EFCAB11: variants seen among roughly 807,000 people sequenced by gnomAD.
The protein encoded by EFCAB11 is EF-hand calcium binding domain 11, also known as EF-hand calcium-binding domain-containing protein 11.
In EFCAB11, 14 loss-of-function variants were observed where a neutral mutation model predicts 23.0. The observed-to-expected ratio is 0.61, with a 90% confidence interval of 0.40 to 0.95. The LOEUF (loss-of-function observed/expected upper bound fraction) is 0.95. Among genes scored for constraint, EFCAB11 ranks in the 40% least tolerant of loss-of-function variants. The pLI, the probability that EFCAB11 is intolerant of heterozygous loss-of-function variation, is 0.00. For synonymous variants in EFCAB11, 65 were observed against 66.6 expected, an observed-to-expected ratio of 0.98 and a Z score of 0.11; for missense variants, 198 against 195.8, an observed-to-expected ratio of 1.01 and a Z score of -0.07.
chr14:89,878,768 AT>A (rs1463202788), intron 5 of EFCAB11, among the ~76,000 whole-genome samples: 1 of 152,130 alleles, frequency 6.6e-6, no homozygotes, highest in African/African-American at 2.4e-5. Context: ...AATGTGGGTC[AT>A]TTATCTCAAA....
intron 5 of EFCAB11, among the ~76,000 whole-genome samples, chr14:89,860,556 G>C (rs2140149912): frequency 6.6e-6 from 1 of 152,258 alleles, no homozygotes; most frequent in East Asian, 1.9e-4. Flanking sequence ...AAATGTCTTT[G>C]AAGATATTTC....
chr14:89,835,643 T>TGTGTGTGTGTGTGTGTG (rs1491344939), intron 5 of EFCAB11, among the ~76,000 whole-genome samples: 70 of 138,898 alleles, frequency 5.0e-4, no homozygotes, highest in African/African-American at 1.2e-3. Context: ...TGTGTGTGTG[T>TGTGTGTGTGTGTGTGTG]TTGAGACGTT....
chr14:89,876,295 T>A (rs149359418), intron 5 of EFCAB11, among the ~76,000 whole-genome samples: 1 of 152,228 alleles, frequency 6.6e-6, no homozygotes, highest in Non-Finnish European at 1.5e-5. Flanking sequence ...GATGTTTCCG[T>A]TAAACAGATG....
At chr14:89,913,385 C>T (rs970278965) in intron 5 of EFCAB11, among the ~76,000 whole-genome samples, 1 of 152,252 alleles carries the variant, frequency 6.6e-6, no homozygotes, top group Non-Finnish European at 1.5e-5. Context: ...AATGTCTTGG[C>T]ATGGAGACCT....
intron 5 of EFCAB11, among the ~76,000 whole-genome samples, chr14:89,829,047 G>T (rs1330198780): frequency 6.6e-6 from 1 of 152,218 alleles, no homozygotes; most frequent in Non-Finnish European, 1.5e-5. Flanking sequence ...ATTGGAACAT[G>T]ATGGTGATAT....
chr14:89,881,027 C>T (rs547042801), intron 5 of EFCAB11, among the ~76,000 whole-genome samples: 69 of 152,226 alleles, frequency 4.5e-4, no homozygotes, highest in Admixed American at 4.1e-3. Flanking sequence ...CACAAACACA[C>T]GTCACCCTCT....
intron 5 of EFCAB11, among the ~76,000 whole-genome samples, chr14:89,854,813 C>T (rs1566785361): frequency 1.3e-5 from 2 of 152,068 alleles, no homozygotes; most frequent in African/African-American, 2.4e-5. Flanking sequence ...ATCCTGTCAC[C>T]ACGATCCTGT....
intron 5 of EFCAB11, among the ~76,000 whole-genome samples, chr14:89,826,730 C>T (rs1234640586): frequency 6.6e-6 from 1 of 151,920 alleles, no homozygotes; most frequent in Non-Finnish European, 1.5e-5. Flanking sequence ...AAGAATGCCA[C>T]TAAAGGCAGA....
rs146207366 is a variant in EFCAB11 at position 89,915,093 on chromosome 14, A to G, written c.410+16448T>C. Among the ~76,000 whole-genome samples, 34 of 152,296 alleles carry G rather than the reference A, an allele frequency of 2.2e-4. No individual in the cohort carries two copies. In the East Asian group the frequency reaches 6.4e-3, roughly 28 times the overall value. ...TTTTTAAAGACCTAAATTCGACAAT[A>G]AATATAGCCAGGAACATCACTCTTC... On this transcript the variant is annotated intron_variant, in intron 5 of 5. Transcript: ENST00000316738.
At chr14:89,798,944 G>A (rs1885671978) in intron 5 of EFCAB11, among the ~76,000 whole-genome samples, 1 of 152,120 alleles carries the variant, frequency 6.6e-6, no homozygotes, top group African/African-American at 2.4e-5. Flanking sequence ...CCAGTACCAC[G>A]CCTGGCTAAT....
At chr14:89,831,357 G>A (rs532139255) in intron 5 of EFCAB11, 2 of 152,310 alleles carry the variant, frequency 1.3e-5, no homozygotes, top group South Asian at 4.1e-4. Flanking sequence ...ACAGAGTTTA[G>A]AGTAGAATAC....
At chr14:89,941,289 A>G (rs547984492) in intron 3 of EFCAB11, among the ~76,000 whole-genome samples, 1 of 152,324 alleles carries the variant, frequency 6.6e-6, no homozygotes, top group Non-Finnish European at 1.5e-5. Context: ...TAACAACTAT[A>G]GAGAACATGG....
At chr14:89,944,268 A>G (rs530824977) in intron 3 of EFCAB11, among the ~76,000 whole-genome samples, 3 of 152,330 alleles carry the variant, frequency 2.0e-5, no homozygotes, top group East Asian at 1.9e-4. Context: ...GTGCTGGGGA[A>G]CTTCTCTTTT....
intron 5 of EFCAB11, among the ~76,000 whole-genome samples, chr14:89,829,545 T>C (rs561342450): frequency 1.3e-5 from 2 of 152,318 alleles, no homozygotes; most frequent in Admixed American, 6.5e-5. Context: ...TTGTTGAAGA[T>C]ATGAATTGGA....
At chr14:89,954,231 G>T in intron 1 of EFCAB11, 1 of 1,144,324 alleles carries the variant, frequency 8.7e-7, no homozygotes, top group Non-Finnish European at 1.3e-6. Flanking sequence ...TAACCGCTAG[G>T]TGACGCAAAT....
chr14:89,942,998 GC>G (rs752487904), intron 3 of EFCAB11, among the ~76,000 whole-genome samples: 6 of 152,068 alleles, frequency 3.9e-5, no homozygotes, highest in Non-Finnish European at 5.9e-5. Context: ...CCGGACTCTG[GC>G]CCTTCCTAAA....
chr14:89,828,015 C>T (rs1366749588), intron 5 of EFCAB11, among the ~76,000 whole-genome samples: 1 of 152,114 alleles, frequency 6.6e-6, no homozygotes, highest in Non-Finnish European at 1.5e-5. Context: ...AACTCTTTTC[C>T]AGGGCACCTG....
chr14:89,922,133 C>T (rs1265466816), intron 5 of EFCAB11, among the ~76,000 whole-genome samples: 1 of 152,198 alleles, frequency 6.6e-6, no homozygotes, highest in Admixed American at 6.5e-5. Flanking sequence ...AAATAGCCCT[C>T]ATGCTATTAC....
intron 5 of EFCAB11, among the ~76,000 whole-genome samples, chr14:89,807,135 T>C (rs1354655392): frequency 6.6e-6 from 1 of 152,236 alleles, no homozygotes; most frequent in African/African-American, 2.4e-5. Flanking sequence ...ATGGCAATCA[T>C]TTAATCTCTT....
Sources: allele counts gnomAD v4.1 joint callset (sites outside exome capture counted in the v4.1 genomes callset), GRCh38; gene constraint gnomAD v4.1.1; transcripts MANE v1.5; gene names NCBI Gene and HGNC (gene_info 2026-07-23, HGNC 2026-07-21).